CEP350: variants seen among roughly 807,000 people sequenced by gnomAD.
CEP350 encodes centrosomal protein 350.
A neutral mutation model predicts 331.8 loss-of-function variants in CEP350; 126 were observed. The ratio of observed to expected loss-of-function variants is 0.38; its 90% CI spans 0.33 to 0.44. The LOEUF is 0.44. Ranked by LOEUF, CEP350 falls within the 20% of genes least tolerant of loss-of-function variation. CEP350 has a pLI of 1.00. For synonymous variants in CEP350, 1,200 were observed against 1,259.5 expected (o/e 0.95, Z 1.00); for missense variants, 3,406 against 3,634.6 (o/e 0.94, Z 1.62).
intron 9 of CEP350, 58 bp downstream of exon 9, chr1:180,012,133 T>A: frequency 1.4e-6 from 2 of 1,419,844 alleles, no homozygotes; most frequent in Non-Finnish European, 1.9e-6. Context: ...ATTAAGTACT[T>A]AGAGAAGGAA....
At chr1:180,084,266 G>T in intron 31 of CEP350, 88 bp downstream of exon 31, 1 of 1,222,494 alleles carries the variant, frequency 8.2e-7, no homozygotes, top group Non-Finnish European at 1.1e-6. Context: ...TAAAGTAATG[G>T]ATTAGGATTC....
intron 27 of CEP350, among the ~76,000 whole-genome samples, chr1:180,073,003 A>G (rs1658996929): frequency 6.6e-6 from 1 of 152,148 alleles, no homozygotes; most frequent in Non-Finnish European, 1.5e-5. Context: ...AAAGAAGAAA[A>G]TATGTTTTTT....
chr1:180,030,812 A>T (rs1655978225), intron 14 of CEP350, among the ~76,000 whole-genome samples: 1 of 152,038 alleles, frequency 6.6e-6, no homozygotes, highest in South Asian at 2.1e-4. Context: ...AACATGCATA[A>T]TTTTTGTTTC....
chr1:180,047,780 A>T (rs1657230315), intron 21 of CEP350, among the ~76,000 whole-genome samples: 2 of 146,102 alleles, frequency 1.4e-5, no homozygotes, highest in Non-Finnish European at 3.0e-5. Context: ...AAAAAAAAAG[A>T]AAAGAAAAGG....
At chr1:180,004,285 CTT>C (rs1349904750) in intron 7 of CEP350, among the ~76,000 whole-genome samples, 1 of 152,218 alleles carries the variant, frequency 6.6e-6, no homozygotes, top group Non-Finnish European at 1.5e-5. Context: ...TGCCTTCTCT[CTT>C]GTTACGGTAG....
intron 31 of CEP350, among the ~76,000 whole-genome samples, chr1:180,086,617 A>T (rs1008773301): frequency 1.3e-5 from 2 of 152,242 alleles, no homozygotes; most frequent in East Asian, 3.9e-4. Context: ...CACAGATTTA[A>T]TAAATGGACT....
chr1:180,105,609 A>G (rs993964589), intron 37 of CEP350, among the ~76,000 whole-genome samples: 5 of 152,154 alleles, frequency 3.3e-5, no homozygotes, highest in Non-Finnish European at 7.4e-5. Flanking sequence ...AAGGGTATCA[A>G]AGGCTTTTTC....
At chr1:180,063,317 G>C (rs1383295541) in intron 26 of CEP350, among the ~76,000 whole-genome samples, 2 of 148,244 alleles carry the variant, frequency 1.3e-5, no homozygotes, top group African/African-American at 5.0e-5. Context: ...TCAGCCTCCC[G>C]AGTAGCTGGG....
chr1:180,048,480 C>A, intron 21 of CEP350, 56 bp from the exon 22 acceptor site: 1 of 1,152,832 alleles, frequency 8.7e-7, no homozygotes, highest in Non-Finnish European at 1.3e-6. Flanking sequence ...TACTTTGAAG[C>A]TATAATCCTT....
Position 180,111,881 on chromosome 1 carries a change from G to A in CEP350, c.*720G>A, listed in dbSNP as rs987658124. 6.5e-6 allele frequency: 1 copy of A among 152,698 alleles called. No individual in the cohort carries two copies. Among genetic ancestry groups the A allele is most frequent in the South Asian group, 2.1e-4 (1 of 4,820 alleles). The allele number at this position is 152,698 out of a possible 1,614,324, so 9.5% of individuals were successfully genotyped here. ...AGACTGGGCTCAAAGGACCAATGCA[G>A]GGCTGGTTCTTTTACCCCTTGGTTT... On this transcript the variant is annotated 3_prime_UTR_variant, in exon 38 of 38. Coordinates refer to ENST00000367607, the MANE Select transcript of CEP350 (RefSeq NM_014810.5).
rs1657667709 is a variant in CEP350 at position 180,054,064 on chromosome 1, C to G, written c.5174+130C>G. On this transcript the variant is annotated intron_variant, in intron 24 of 37. Transcript: ENST00000367607. ...CAGTTTCTCAAGCTAGAAATAACGG[C>G]AGTCATACTTGATTTGTATTTCTTT... 1.0e-5 allele frequency: 7 copies of G among 682,426 alleles called. No individual in the cohort carries two copies. In the South Asian group the frequency reaches 2.1e-4, roughly 20 times the overall value. The allele number at this position is 682,426 out of a possible 1,614,324, so 42.3% of individuals were successfully genotyped here. A position where few individuals can be genotyped will look rare whatever the true frequency, so the allele number is the denominator to read the frequency against.
At chr1:179,980,921 T>C (rs1157362269) in intron 1 of CEP350, among the ~76,000 whole-genome samples, 1 of 152,154 alleles carries the variant, frequency 6.6e-6, no homozygotes, top group East Asian at 1.9e-4. Context: ...CTATTTTCTA[T>C]ATACAATATA....
intron 33 of CEP350, 120 bp from the exon 34 acceptor site, chr1:180,092,494 A>G (rs1284039474): frequency 3.4e-6 from 2 of 581,036 alleles, no homozygotes; most frequent in East Asian, 5.7e-5. Context: ...AAAACAGGTC[A>G]TATTTATTGA....
At chr1:179,982,773 T>C (rs768012753) in intron 1 of CEP350, among the ~76,000 whole-genome samples, 7 of 152,192 alleles carry the variant, frequency 4.6e-5, no homozygotes, top group Non-Finnish European at 1.0e-4. Flanking sequence ...ATTAAAAATA[T>C]TTTCATCAAA....
At chr1:180,068,734 C>T (rs944921636) in intron 27 of CEP350, among the ~76,000 whole-genome samples, 1 of 152,174 alleles carries the variant, frequency 6.6e-6, no homozygotes, top group African/African-American at 2.4e-5. Context: ...TACACTTACT[C>T]TCTCAGCAAT....
chr1:180,080,588 A>T lies in CEP350; in HGVS notation c.6051A>T (p.Gln2017His), dbSNP rs149251843. ...AAGGAAGTCATAGGACTGGAGGACA[A>T]TGTCACCTGCCTATCAAGTCCCATC... is the stretch of plus-strand genomic sequence containing the variant. The part of the protein sequence containing the change: ...SSKGSHRTGG[Q>H]CHLPIKSHQH... Residue 2017 changes from glutamine to histidine, a missense_variant, in exon 30 of 38, where the codon CAA (glutamine) becomes CAT (histidine). Gln to His is a conservative substitution (Grantham distance 24, BLOSUM62 0). Coordinates refer to ENST00000367607, the MANE Select transcript of CEP350 (RefSeq NM_014810.5). 5.6e-5 allele frequency: 91 copies of T among 1,613,856 alleles called. No individual in the cohort carries two copies. The African/African-American group carries it at 1.0e-3, about 18-fold the overall frequency.
chr1:180,099,068 A>G, intron 37 of CEP350, 83 bp downstream of exon 37: 1 of 1,347,428 alleles, frequency 7.4e-7, no homozygotes, highest in Non-Finnish European at 1.0e-6. Flanking sequence ...AGGAAAAGGG[A>G]TAGACTTATT....
At chr1:180,068,944 A>G (rs901272358) in intron 27 of CEP350, among the ~76,000 whole-genome samples, 1 of 152,184 alleles carries the variant, frequency 6.6e-6, no homozygotes, top group Non-Finnish European at 1.5e-5. Flanking sequence ...TGTCAAGGAC[A>G]TTTTCATGGA....
chr1:180,060,123 A>T (rs528306888), intron 25 of CEP350, among the ~76,000 whole-genome samples: 22 of 152,354 alleles, frequency 1.4e-4, no homozygotes, highest in African/African-American at 5.0e-4. Context: ...AGGGAATGAG[A>T]ATAAAGAGCA....
Sources: allele counts gnomAD v4.1 joint callset (sites outside exome capture counted in the v4.1 genomes callset), GRCh38; gene constraint gnomAD v4.1.1; transcripts MANE v1.5; gene names NCBI Gene and HGNC (gene_info 2026-07-23, HGNC 2026-07-21).